The following KIF26B variants were observed in gnomAD, a reference collection of about 807,000 sequenced individuals.
KIF26B encodes kinesin-like protein KIF26B.
In KIF26B, 63 loss-of-function variants were observed where a neutral mutation model predicts 151.2. The observed-to-expected ratio is 0.42, with a 90% confidence interval of 0.34 to 0.51. The LOEUF is 0.51. Ranked by LOEUF, KIF26B falls within the 20% of genes least tolerant of loss-of-function variation. The probability of loss-of-function intolerance (pLI) is 0.07; values close to 1 mark genes in which losing one functional copy is unlikely to be tolerated. For missense variants in KIF26B, 2,813 were observed against 2,913.6 expected (o/e 0.97, Z 0.79); for synonymous variants, 1,357 against 1,262.1 (o/e 1.08, Z -1.59).
At chr1:245,411,131 C>A (rs1234368150) in intron 3 of KIF26B, among the ~76,000 whole-genome samples, 1 of 152,230 alleles carries the variant, frequency 6.6e-6, no homozygotes, top group East Asian at 1.9e-4. Flanking sequence ...CAAAACATGT[C>A]TTGCTGATGC....
chr1:245,613,717 T>C (rs1163648712), intron 9 of KIF26B, among the ~76,000 whole-genome samples: 1 of 152,218 alleles, frequency 6.6e-6, no homozygotes, highest in Non-Finnish European at 1.5e-5. Flanking sequence ...AGAGAGCTCT[T>C]TGCGGGCTTC....
rs184780647 is a variant in KIF26B, at chr1:245,434,324, T to C, written c.1166+14579T>C. Reference sequence around the variant, plus strand: ...GGAACTCCAAGTATCAGGTTAAAAATTGAGAGAGGTAGTGAAAGAGAGTCA... The same window carrying C: ...GGAACTCCAAGTATCAGGTTAAAAACTGAGAGAGGTAGTGAAAGAGAGTCA... On this transcript the variant is annotated intron_variant, in intron 4 of 14. Transcript: ENST00000407071. Among the ~76,000 whole-genome samples, 24 of 152,302 alleles carry C rather than the reference T, an allele frequency of 1.6e-4. No homozygotes were observed. The East Asian group carries it at 4.1e-3, about 26-fold the overall frequency.
At chr1:245,696,229 G>GCC (rs1403833997) in intron 12 of KIF26B, among the ~76,000 whole-genome samples, 1 of 152,244 alleles carries the variant, frequency 6.6e-6, no homozygotes, top group Non-Finnish European at 1.5e-5. Context: ...TGTGCTGGGT[G>GCC]CCCCTCTTGC....
chr1:245,694,679 C>T (rs1052110868), intron 12 of KIF26B, among the ~76,000 whole-genome samples: 2 of 152,166 alleles, frequency 1.3e-5, no homozygotes, highest in Non-Finnish European at 1.5e-5. Flanking sequence ...TCTGACTGCA[C>T]GCAGCTGTCA....
rs1259155579 is a variant in KIF26B, at chr1:245,156,136, C to T, written c.64-146C>T. ...GACAATTAACGAGACAGACGGAGGGCAATTTGGCCGCAGGGCTTGGAGAGG... is the reference window on the plus strand; with the variant it reads ...GACAATTAACGAGACAGACGGAGGGTAATTTGGCCGCAGGGCTTGGAGAGG... On this transcript the variant is annotated intron_variant, in intron 1 of 14. Transcript: ENST00000407071. 5 of 1,210,532 alleles carry T rather than the reference C, an allele frequency of 4.1e-6. No individual in the cohort carries two copies. In the East Asian group the frequency reaches 8.5e-5, roughly 20 times the overall value. The allele number at this position is 1,210,532 out of a possible 1,614,324, so 75.0% of individuals were successfully genotyped here. A position where few individuals can be genotyped will look rare whatever the true frequency, so the allele number is the denominator to read the frequency against.
Position 245,703,860 on chromosome 1 carries a change from C to T in KIF26B, c.*1254C>T, listed in dbSNP as rs1285251660. On this transcript the variant is annotated 3_prime_UTR_variant, in exon 15 of 15. Transcript: ENST00000407071. ...CCAAAGCCTCTATGCCAAGAAGGGACAGGCTTGTCCTCTCAGTCTTTGCTC... is the reference window on the plus strand; with the variant it reads ...CCAAAGCCTCTATGCCAAGAAGGGATAGGCTTGTCCTCTCAGTCTTTGCTC... 6.6e-6 allele frequency: 1 copy of T among 152,194 alleles called. No homozygotes were observed. The highest frequency in any genetic ancestry group is 1.5e-5 in the Non-Finnish European group (1 of 68,040). 9.4% of individuals were successfully genotyped at this position (152,194 alleles called of 1,614,324 possible). A position where few individuals can be genotyped will look rare whatever the true frequency, so the allele number is the denominator to read the frequency against.
At chr1:245,214,711 G>A (rs919127079) in intron 2 of KIF26B, among the ~76,000 whole-genome samples, 2 of 152,092 alleles carry the variant, frequency 1.3e-5, no homozygotes, top group Admixed American at 6.5e-5. Context: ...TTGGTGGTGC[G>A]CACCTGTAAT....
intron 4 of KIF26B, among the ~76,000 whole-genome samples, chr1:245,474,537 G>A (rs10924206): frequency 0.074 from 10,571 of 142,548 alleles, 520 homozygotes; most frequent in Middle Eastern, 0.19. Flanking sequence ...TCAGCCTCCC[G>A]AGTAGCTGGA....
At chr1:245,207,373 T>C (rs949013708) in intron 2 of KIF26B, among the ~76,000 whole-genome samples, 5 of 152,048 alleles carry the variant, frequency 3.3e-5, no homozygotes, top group African/African-American at 1.2e-4. Flanking sequence ...TTGGCTGGAG[T>C]TGGACCGCAC....
rs1462121335 is a variant in KIF26B at position 245,555,101 on chromosome 1, A to C, written c.1350+14151A>C. 2.6e-5 allele frequency among the ~76,000 whole-genome samples: 4 copies of C among 152,206 alleles called. No individual in the cohort carries two copies. The East Asian group carries it at 5.8e-4, about 22-fold the overall frequency. ...CAGAGGGAGAAATGTCATATCTTTCAAAATTCCAGTGTTTCCTAGTCTTCT... is the reference window on the plus strand; with the variant it reads ...CAGAGGGAGAAATGTCATATCTTTCCAAATTCCAGTGTTTCCTAGTCTTCT... On this transcript the variant is annotated intron_variant, in intron 5 of 14. Coordinates refer to ENST00000407071, the MANE Select transcript of KIF26B (RefSeq NM_018012.4).
At chr1:245,437,668 A>G (rs1658969686) in intron 4 of KIF26B, among the ~76,000 whole-genome samples, 1 of 152,240 alleles carries the variant, frequency 6.6e-6, no homozygotes, top group South Asian at 2.1e-4. Flanking sequence ...TTCTTTACAC[A>G]TGCAAGGGGG....
At position 245,244,756 on chromosome 1, in the gene KIF26B, TCACACACACACA is replaced by T. The variant is rs55638619; in HGVS notation, c.465+88098_465+88109del. ...AGAAGGAACACACAGACACGCACAC[TCACACACACACA>T]CACACACACACACACACACACACAG... On this transcript the variant is annotated intron_variant, in intron 2 of 14. Coordinates refer to ENST00000407071, the MANE Select transcript of KIF26B (RefSeq NM_018012.4). The surrounding 1 kb of genome is among the most constrained non-coding windows in gnomAD (Gnocchi z 4.2). Among the ~76,000 whole-genome samples the T allele has an allele frequency of 0.014, 2,088 of 144,462 alleles. 46 individuals are homozygous for T. Among genetic ancestry groups the T allele is most frequent in the African/African-American group, 0.05 (1,975 of 39,232 alleles). 94.8% of individuals were successfully genotyped at this position (144,462 alleles called of 152,430 possible).
At chr1:245,661,577 C>T (rs892770100) in intron 10 of KIF26B, among the ~76,000 whole-genome samples, 50 of 149,942 alleles carry the variant, frequency 3.3e-4, no homozygotes, top group African/African-American at 1.2e-3. Flanking sequence ...TATATATATA[C>T]ACACCCCCAA....
chr1:245,361,691 C>T (rs996128793), intron 2 of KIF26B, among the ~76,000 whole-genome samples: 4 of 152,200 alleles, frequency 2.6e-5, no homozygotes, highest in Admixed American at 6.5e-5. Context: ...GGCATGGCCT[C>T]GTTGCTGTCA....
Position 245,602,945 on chromosome 1 carries a change from G to A in KIF26B, c.1557+162G>A, listed in dbSNP as rs1342817316. On this transcript the variant is annotated intron_variant, in intron 6 of 14. Coordinates refer to ENST00000407071, the MANE Select transcript of KIF26B (RefSeq NM_018012.4). The surrounding 1 kb of genome is among the most constrained non-coding windows in gnomAD (Gnocchi z 4.5). ...CTCCACCGAATGGTCCAGTGCTTTTGAATTACTGGTGTCAGACCTTGGGCA... is the reference window on the plus strand; with the variant it reads ...CTCCACCGAATGGTCCAGTGCTTTTAAATTACTGGTGTCAGACCTTGGGCA... 6.6e-6 allele frequency among the ~76,000 whole-genome samples: 1 copy of A among 152,152 alleles called. No individual in the cohort carries two copies. The highest frequency in any genetic ancestry group is 1.5e-5 in the Non-Finnish European group (1 of 68,038).
chr1:245,481,312 C>T (rs1262839225), intron 4 of KIF26B, among the ~76,000 whole-genome samples: 1 of 151,896 alleles, frequency 6.6e-6, no homozygotes, highest in African/African-American at 2.4e-5. Flanking sequence ...CAGCTGGCAA[C>T]AAATGGTTGC....
chr1:245,480,780 T>TAAAA (rs57127912), intron 4 of KIF26B, among the ~76,000 whole-genome samples: 2 of 143,408 alleles, frequency 1.4e-5, no homozygotes. Context: ...TTTAAAATGT[T>TAAAA]AAAAAAAAAA....
At chr1:245,613,697 A>T (rs1325935154) in intron 9 of KIF26B, among the ~76,000 whole-genome samples, 1 of 152,084 alleles carries the variant, frequency 6.6e-6, no homozygotes, top group Non-Finnish European at 1.5e-5. Context: ...GGACAACAGT[A>T]CTCCTGGGGA....
At chr1:245,611,144 A>G (rs2043516058) in intron 8 of KIF26B, among the ~76,000 whole-genome samples, 1 of 152,212 alleles carries the variant, frequency 6.6e-6, no homozygotes, top group Non-Finnish European at 1.5e-5. Context: ...GGATTCAGGA[A>G]CTAAAGGTAA....
Sources: gnomAD v4.1 joint callset for allele counts (sites outside exome capture counted in the v4.1 genomes callset) on GRCh38, gnomAD v4.1.1 for gene constraint, Gnocchi (gnomAD v3.1) non-coding constraint, MANE v1.5 for transcripts, NCBI Gene and HGNC (gene_info 2026-07-23, HGNC 2026-07-21) for gene names.